Variants in TNFAIP8 observed in about 807,000 individuals in gnomAD.
The protein encoded by TNFAIP8 is tumor necrosis factor alpha-induced protein 8.
TNFAIP8 carries 7 observed loss-of-function variants against 13.3 expected under a neutral mutation model. The ratio of observed to expected loss-of-function variants is 0.52; its 90% CI spans 0.30 to 0.99. The LOEUF (loss-of-function observed/expected upper bound fraction) is 0.99. TNFAIP8 is among the 50% of genes least tolerant of loss of function. The pLI, the probability that TNFAIP8 is intolerant of heterozygous loss-of-function variation, is 0.07. For synonymous variants in TNFAIP8, 94 were observed against 87.6 expected, an observed-to-expected ratio of 1.07 and a Z score of -0.41; for missense variants, 258 against 236.9, an observed-to-expected ratio of 1.09 and a Z score of -0.58.
At chr5:119,349,050 C>T (rs1193551352) in intron 1 of TNFAIP8, among the ~76,000 whole-genome samples, 2 of 152,122 alleles carry the variant, frequency 1.3e-5, no homozygotes, top group Non-Finnish European at 2.9e-5. Context: ...CCACCTCAGC[C>T]CCACCTTTCC....
At chr5:119,342,661 C>G (rs1388173100) in intron 1 of TNFAIP8, among the ~76,000 whole-genome samples, 1 of 152,228 alleles carries the variant, frequency 6.6e-6, no homozygotes, top group Non-Finnish European at 1.5e-5. Context: ...GCTGCTATCT[C>G]TAGTCATGTT....
At chr5:119,333,461 A>G in intron 1 of TNFAIP8, 4 of 1,417,998 alleles carry the variant, frequency 2.8e-6, no homozygotes, top group Non-Finnish European at 3.7e-6. Context: ...AATAGTATAA[A>G]TTATTTTGAA....
intron 1 of TNFAIP8, among the ~76,000 whole-genome samples, chr5:119,362,034 A>G (rs984735313): frequency 2.0e-5 from 3 of 152,212 alleles, no homozygotes; most frequent in Admixed American, 1.3e-4. Flanking sequence ...CACACAGCAC[A>G]TGTGCATCCA....
intron 1 of TNFAIP8, among the ~76,000 whole-genome samples, chr5:119,388,440 A>T (rs987915647): frequency 1.8e-4 from 27 of 152,286 alleles, no homozygotes; most frequent in Admixed American, 9.2e-4. Flanking sequence ...GGGGAAATTG[A>T]TTGCTGCTTC....
chr5:119,368,436 TGTGTGTGTGTGTGTGTGTGTGTGC>T (rs1751951691), intron 1 of TNFAIP8, among the ~76,000 whole-genome samples: 1 of 133,988 alleles, frequency 7.5e-6, no homozygotes, highest in Non-Finnish European at 1.6e-5. Context: ...GCAGCGTGTG[TGTGTGTGTGTGTGTGTGTGTGTGC>T]GTGTGTGTGT....
chr5:119,343,102 A>C (rs750555203), intron 1 of TNFAIP8, among the ~76,000 whole-genome samples: 1 of 152,202 alleles, frequency 6.6e-6, no homozygotes, highest in Non-Finnish European at 1.5e-5. Context: ...TGTTCAATCC[A>C]TCTTATTAAT....
chr5:119,309,919 G>A (rs967939841), intron 1 of TNFAIP8, among the ~76,000 whole-genome samples: 2 of 152,302 alleles, frequency 1.3e-5, no homozygotes, highest in South Asian at 2.1e-4. Context: ...GCTTCTTTAA[G>A]CCACTGTTTT....
chr5:119,295,186 AGTCTAACGTTAGACCTATAGGTCTAACG>A (rs1749130878), intron 1 of TNFAIP8, among the ~76,000 whole-genome samples: 1 of 41,682 alleles, frequency 2.4e-5, no homozygotes. Flanking sequence ...TCTAACGTTT[AGTCTAACGTTAGACCTATAGGTCTAACG>A]TTTAGTCTAA....
At chr5:119,309,462 C>G (rs926550609) in intron 1 of TNFAIP8, among the ~76,000 whole-genome samples, 1 of 152,078 alleles carries the variant, frequency 6.6e-6, no homozygotes, top group African/African-American at 2.4e-5. Flanking sequence ...GGGGCAGCTG[C>G]CACAGGGGCA....
chr5:119,365,781 T>G (rs1260284042), intron 1 of TNFAIP8, among the ~76,000 whole-genome samples: 1 of 152,146 alleles, frequency 6.6e-6, no homozygotes, highest in Non-Finnish European at 1.5e-5. Flanking sequence ...AATGCATGCC[T>G]CCTCAATATC....
At chr5:119,316,633 A>C (rs749449384) in intron 1 of TNFAIP8, among the ~76,000 whole-genome samples, 31 of 152,176 alleles carry the variant, frequency 2.0e-4, no homozygotes, top group Non-Finnish European at 4.3e-4. Context: ...TGCACATTAG[A>C]ATCTCTTTCA....
At chr5:119,374,819 T>TC (rs1752220826) in intron 1 of TNFAIP8, among the ~76,000 whole-genome samples, 2 of 152,194 alleles carry the variant, frequency 1.3e-5, no homozygotes. Flanking sequence ...CAGATTTTTT[T>TC]CTGAGAAGCC....
chr5:119,312,745 C>CAAAAAAAAAAAAAAAAA (rs869226026), intron 1 of TNFAIP8, among the ~76,000 whole-genome samples: 1 of 43,354 alleles, frequency 2.3e-5, no homozygotes, highest in Non-Finnish European at 4.8e-5. Flanking sequence ...GCAAAAAATA[C>CAAAAAAAAAAAAAAAAA]AAAAAAAAAA....
intron 1 of TNFAIP8, among the ~76,000 whole-genome samples, chr5:119,315,204 T>G (rs1267742099): frequency 6.6e-6 from 1 of 152,230 alleles, no homozygotes; most frequent in African/African-American, 2.4e-5. Context: ...TGCTTCAGCC[T>G]CCTGAGTAGC....
At chr5:119,296,450 C>G (rs1303330055) in intron 1 of TNFAIP8, among the ~76,000 whole-genome samples, 1 of 151,644 alleles carries the variant, frequency 6.6e-6, no homozygotes, top group Non-Finnish European at 1.5e-5. Context: ...CTATATTGAA[C>G]CAGGCTTTCA....
At chr5:119,269,364 A>G (rs765375865) in intron 1 of TNFAIP8, among the ~76,000 whole-genome samples, 12 of 152,150 alleles carry the variant, frequency 7.9e-5, no homozygotes, top group East Asian at 1.9e-4. Context: ...CCAACCTTGC[A>G]TTGTAAAACG....
intron 1 of TNFAIP8, among the ~76,000 whole-genome samples, chr5:119,308,061 C>T (rs1345521886): frequency 6.6e-6 from 1 of 152,062 alleles, no homozygotes; most frequent in East Asian, 1.9e-4. Flanking sequence ...TTATTCTAAC[C>T]CCTGTAATTT....
intron 1 of TNFAIP8, among the ~76,000 whole-genome samples, chr5:119,360,270 C>T (rs1180930110): frequency 6.6e-6 from 1 of 152,094 alleles, no homozygotes; most frequent in African/African-American, 2.4e-5. Context: ...CAGGACCCAG[C>T]GATTGCATTT....
intron 1 of TNFAIP8, among the ~76,000 whole-genome samples, chr5:119,269,480 GTCGCAC>G (rs1748207585): frequency 6.6e-6 from 1 of 152,164 alleles, no homozygotes; most frequent in South Asian, 2.1e-4. Flanking sequence ...GACTGCACAT[GTCGCAC>G]TGGAGCCCTC....
Sources: gnomAD v4.1 joint callset for allele counts (sites outside exome capture counted in the v4.1 genomes callset) on GRCh38, gnomAD v4.1.1 for gene constraint, MANE v1.5 for transcripts, NCBI Gene and HGNC (gene_info 2026-07-23, HGNC 2026-07-21) for gene names.